PDE4D: variants seen among roughly 807,000 people sequenced by gnomAD.
PDE4D encodes the protein phosphodiesterase 4D, also known as 3',5'-cyclic-AMP phosphodiesterase 4D.
Under a neutral mutation model 87.4 loss-of-function variants are expected in PDE4D, and 24 were observed. That is an observed-to-expected ratio of 0.27 (90% CI 0.20 to 0.39). The LOEUF is 0.39. Among genes scored for constraint, PDE4D ranks in the 10% least tolerant of loss-of-function variants. PDE4D has a pLI of 1.00. For synonymous variants in PDE4D, 384 were observed against 383.2 expected, an observed-to-expected ratio of 1.00 and a Z score of -0.02; for missense variants, 714 against 1,041.0, an observed-to-expected ratio of 0.69 and a Z score of 4.32.
At chr5:60,042,481 C>A (rs1768637217) in intron 2 of PDE4D, among the ~76,000 whole-genome samples, 1 of 152,228 alleles carries the variant, frequency 6.6e-6, no homozygotes, top group African/African-American at 2.4e-5. Flanking sequence ...GGGTCCCTCA[C>A]CCCCGTGCCT....
At chr5:59,753,726 A>G (rs1480189666) in intron 1 of PDE4D, among the ~76,000 whole-genome samples, 1 of 152,214 alleles carries the variant, frequency 6.6e-6, no homozygotes, top group East Asian at 1.9e-4. Context: ...TAATCCAGTA[A>G]ATGAGACAGT....
At chr5:59,906,449 C>T (rs775082479) in intron 3 of PDE4D, among the ~76,000 whole-genome samples, 13 of 152,124 alleles carry the variant, frequency 8.5e-5, no homozygotes, top group Non-Finnish European at 1.9e-4. Context: ...GGCTATTAGA[C>T]AAATTCAGCT....
intron 3 of PDE4D, among the ~76,000 whole-genome samples, chr5:59,960,299 A>T (rs865947313): frequency 6.6e-6 from 1 of 152,216 alleles, no homozygotes; most frequent in African/African-American, 2.4e-5. Flanking sequence ...GAGATTTCCA[A>T]AAGAACTAAA....
intron 5 of PDE4D, among the ~76,000 whole-genome samples, chr5:59,118,842 T>C (rs1774033921): frequency 6.6e-6 from 1 of 152,200 alleles, no homozygotes; most frequent in Non-Finnish European, 1.5e-5. Flanking sequence ...TGTTGGTCTC[T>C]GCTTAATACC....
At chr5:60,368,768 G>A (rs1447597717) in intron 1 of PDE4D, among the ~76,000 whole-genome samples, 1 of 152,032 alleles carries the variant, frequency 6.6e-6, no homozygotes, top group African/African-American at 2.4e-5. Flanking sequence ...GTGTGTACCA[G>A]CTCCCCCTTC....
chr5:59,680,908 T>C (rs551356882), intron 1 of PDE4D, among the ~76,000 whole-genome samples: 1 of 152,160 alleles, frequency 6.6e-6, no homozygotes, highest in African/African-American at 2.4e-5. Flanking sequence ...CTAGGTTTAA[T>C]GTATACAAAT....
At chr5:60,046,278 G>A (rs549837672) in intron 2 of PDE4D, among the ~76,000 whole-genome samples, 26 of 152,208 alleles carry the variant, frequency 1.7e-4, no homozygotes, top group Non-Finnish European at 2.9e-4. Context: ...TGAGACAATG[G>A]GGTTTTCTAG....
chr5:59,734,151 G>C (rs1757761812), intron 1 of PDE4D, among the ~76,000 whole-genome samples: 1 of 151,962 alleles, frequency 6.6e-6, no homozygotes, highest in Non-Finnish European at 1.5e-5. Flanking sequence ...ACACAGGTTT[G>C]TATATATTTG....
chr5:59,328,407 A>G (rs962991994), intron 1 of PDE4D, among the ~76,000 whole-genome samples: 2 of 152,234 alleles, frequency 1.3e-5, no homozygotes, highest in Admixed American at 1.3e-4. Context: ...AGTACATTCT[A>G]GAATGCTTTA....
At chr5:59,874,012 T>C (rs953236378) in intron 1 of PDE4D, among the ~76,000 whole-genome samples, 26 of 152,258 alleles carry the variant, frequency 1.7e-4, no homozygotes, top group Middle Eastern at 3.4e-3. Context: ...GGGTTCAAGA[T>C]CAGTCTGGGT....
intron 5 of PDE4D, among the ~76,000 whole-genome samples, chr5:59,092,115 T>C (rs991115770): frequency 1.3e-5 from 2 of 152,202 alleles, no homozygotes; most frequent in Admixed American, 6.5e-5. Flanking sequence ...CTCTAAGCCA[T>C]GTTTGAAACA....
intron 2 of PDE4D, among the ~76,000 whole-genome samples, chr5:60,156,651 A>G (rs2149452379): frequency 6.6e-6 from 1 of 152,280 alleles, no homozygotes; most frequent in East Asian, 1.9e-4. Flanking sequence ...GAAAAATAAA[A>G]GTATAGAGAA....
At chr5:59,820,977 A>C (rs763902367) in intron 1 of PDE4D, among the ~76,000 whole-genome samples, 1 of 152,162 alleles carries the variant, frequency 6.6e-6, no homozygotes, top group East Asian at 1.9e-4. Flanking sequence ...CACACCTGTA[A>C]TCCCAGCACT....
chr5:60,254,866 G>A (rs979702769), intron 1 of PDE4D, among the ~76,000 whole-genome samples: 40 of 151,986 alleles, frequency 2.6e-4, no homozygotes, highest in African/African-American at 9.6e-4. Flanking sequence ...GAGAAAGCAT[G>A]CAGTTAGCCC....
At chr5:59,732,688 C>G (rs1041176857) in intron 1 of PDE4D, among the ~76,000 whole-genome samples, 1 of 152,020 alleles carries the variant, frequency 6.6e-6, no homozygotes, top group South Asian at 2.1e-4. Flanking sequence ...TTAGGCAAGA[C>G]AGCTAAAAGC....
intron 5 of PDE4D, among the ~76,000 whole-genome samples, chr5:59,163,415 G>T (rs971585691): frequency 1.1e-4 from 17 of 152,066 alleles, no homozygotes; most frequent in Admixed American, 9.8e-4. Context: ...GGGATTACAG[G>T]CATGTGCCAC....
intron 5 of PDE4D, among the ~76,000 whole-genome samples, chr5:59,095,560 G>T (rs564004909): frequency 6.6e-6 from 1 of 152,164 alleles, no homozygotes; most frequent in South Asian, 2.1e-4. Context: ...ACCTTACTTT[G>T]AACATTTCTA....
chr5:59,099,456 C>T (rs926978150), intron 5 of PDE4D, among the ~76,000 whole-genome samples: 3 of 152,200 alleles, frequency 2.0e-5, no homozygotes, highest in Non-Finnish European at 2.9e-5. Context: ...CTGTAACATC[C>T]ACCCTCTTTG....
At chr5:59,840,338 G>C (rs1433153703) in intron 1 of PDE4D, among the ~76,000 whole-genome samples, 2 of 149,376 alleles carry the variant, frequency 1.3e-5, no homozygotes, top group Non-Finnish European at 3.0e-5. Context: ...ATGATCCTCT[G>C]TGTGTGTGTG....
Sources: allele counts gnomAD v4.1 joint callset (sites outside exome capture counted in the v4.1 genomes callset), GRCh38; gene constraint gnomAD v4.1.1; transcripts MANE v1.5; gene names NCBI Gene and HGNC (gene_info 2026-07-23, HGNC 2026-07-21).